The following SGCZ variants were observed in gnomAD, a reference collection of about 807,000 sequenced individuals.
SGCZ encodes the protein zeta-sarcoglycan.
Under a neutral mutation model 41.3 loss-of-function variants are expected in SGCZ, and 40 were observed. The observed-to-expected ratio is 0.97, with a 90% CI of 0.75 to 1.26. The LOEUF is 1.26. SGCZ is among the 50% of genes most tolerant of loss of function. The pLI is 0.00. For synonymous variants in SGCZ, 206 were observed against 137.5 expected, an observed-to-expected ratio of 1.50 and a Z score of -3.49; for missense variants, 552 against 369.8, an observed-to-expected ratio of 1.49 and a Z score of -4.04.
chr8:14,829,618 T>C (rs1802457047), intron 1 of SGCZ, among the ~76,000 whole-genome samples: 1 of 152,194 alleles, frequency 6.6e-6, no homozygotes, highest in African/African-American at 2.4e-5. Context: ...TAATTTCCAA[T>C]TTTCTGCACA....
intron 1 of SGCZ, among the ~76,000 whole-genome samples, chr8:14,662,897 G>A (rs1008390104): frequency 2.6e-5 from 4 of 152,106 alleles, no homozygotes; most frequent in Non-Finnish European, 5.9e-5. Context: ...CATGAGCCAA[G>A]GGATGTGACA....
intron 1 of SGCZ, among the ~76,000 whole-genome samples, chr8:14,803,202 A>C (rs568305404): frequency 3.3e-4 from 51 of 152,330 alleles, no homozygotes; most frequent in African/African-American, 1.1e-3. Context: ...CACCTTTAAA[A>C]GACCAAACTG....
At chr8:14,142,999 T>TA (rs75035278) in intron 5 of SGCZ, among the ~76,000 whole-genome samples, 49,536 of 142,510 alleles carry the variant, frequency 0.35, 8,497 homozygotes, top group Middle Eastern at 0.51. Flanking sequence ...CTTTATAAAT[T>TA]AAAAAAAAAA....
intron 1 of SGCZ, among the ~76,000 whole-genome samples, chr8:15,030,526 G>C (rs963845314): frequency 6.6e-6 from 1 of 152,094 alleles, no homozygotes; most frequent in African/African-American, 2.4e-5. Context: ...GGACTTAGAG[G>C]ATGTGGAAGA....
At chr8:14,816,167 T>C (rs536815350) in intron 1 of SGCZ, among the ~76,000 whole-genome samples, 115 of 152,330 alleles carry the variant, frequency 7.5e-4, no homozygotes, top group African/African-American at 2.7e-3. Flanking sequence ...CAGTGGGAAT[T>C]AGACACTTTC....
chr8:14,510,740 G>A (rs567101658), intron 2 of SGCZ, among the ~76,000 whole-genome samples: 22 of 152,256 alleles, frequency 1.4e-4, no homozygotes, highest in Non-Finnish European at 2.8e-4. Flanking sequence ...CCTTGCCTCA[G>A]AACATTTACT....
chr8:14,793,341 T>C (rs1282409416), intron 1 of SGCZ, among the ~76,000 whole-genome samples: 1 of 152,214 alleles, frequency 6.6e-6, no homozygotes, highest in East Asian at 1.9e-4. Flanking sequence ...ATGATCAATG[T>C]TAATTTATGA....
At chr8:14,286,877 C>G (rs1450701386) in intron 3 of SGCZ, among the ~76,000 whole-genome samples, 1 of 152,006 alleles carries the variant, frequency 6.6e-6, no homozygotes, top group Non-Finnish European at 1.5e-5. Flanking sequence ...CTGGTATTAT[C>G]ACAATGAGAA....
chr8:14,309,982 C>T (rs1481652354), intron 3 of SGCZ, among the ~76,000 whole-genome samples: 1 of 151,956 alleles, frequency 6.6e-6, no homozygotes, highest in East Asian at 1.9e-4. Context: ...TAATTACATA[C>T]AAATTTTACC....
intron 1 of SGCZ, among the ~76,000 whole-genome samples, chr8:15,235,820 A>G (rs1241456234): frequency 6.6e-6 from 1 of 152,204 alleles, no homozygotes; most frequent in Non-Finnish European, 1.5e-5. Context: ...TAACCAAAAA[A>G]TAATCTGGAT....
intron 1 of SGCZ, among the ~76,000 whole-genome samples, chr8:14,944,179 G>A (rs971011017): frequency 9.2e-5 from 14 of 152,134 alleles, no homozygotes; most frequent in African/African-American, 3.1e-4. Flanking sequence ...AAGGTAGCTA[G>A]GTCTTCACCT....
At chr8:14,188,825 T>C (rs899607076) in intron 4 of SGCZ, among the ~76,000 whole-genome samples, 1 of 11,294 alleles carries the variant, frequency 8.9e-5, no homozygotes, top group African/African-American at 4.8e-4. Flanking sequence ...TGTTTCTTTG[T>C]TTTTTTTTGT....
At chr8:14,917,992 T>C (rs927551939) in intron 1 of SGCZ, among the ~76,000 whole-genome samples, 2 of 152,128 alleles carry the variant, frequency 1.3e-5, no homozygotes, top group African/African-American at 4.8e-5. Flanking sequence ...ATTATTTTAT[T>C]TAAATATGAA....
Position 14,457,390 on chromosome 8 carries a change from G to T in SGCZ, c.234+97342C>A, listed in dbSNP as rs556626329. On this transcript the variant is annotated intron_variant, in intron 2 of 7. Transcript: ENST00000382080. ...GGATCATGGTCCAGCGGTAGCAAAA[G>T]GTGTCAAGGAACAACACCCGCTACT... is the stretch of plus-strand genomic sequence containing the variant. Among the ~76,000 whole-genome samples, 48 of 152,322 alleles carry T rather than the reference G, an allele frequency of 3.2e-4. 1 individual carries two copies. In the South Asian group the frequency reaches 9.7e-3, roughly 31 times the overall value.
chr8:14,402,188 G>C (rs1396607540), intron 2 of SGCZ, among the ~76,000 whole-genome samples: 3 of 151,896 alleles, frequency 2.0e-5, no homozygotes, highest in African/African-American at 7.3e-5. Flanking sequence ...CTGGATATTA[G>C]CCCTTTGTCA....
At chr8:14,471,422 A>G (rs1321915045) in intron 2 of SGCZ, among the ~76,000 whole-genome samples, 1 of 152,142 alleles carries the variant, frequency 6.6e-6, no homozygotes, top group African/African-American at 2.4e-5. Context: ...TAACAGCCAC[A>G]CATACCATTC....
chr8:14,890,310 G>A (rs115757233), intron 1 of SGCZ, among the ~76,000 whole-genome samples: 1 of 151,992 alleles, frequency 6.6e-6, no homozygotes. Context: ...CGAAAGAAAA[G>A]AAAAAGTTCT....
intron 1 of SGCZ, among the ~76,000 whole-genome samples, chr8:15,065,104 G>A (rs1342024891): frequency 6.6e-6 from 1 of 151,966 alleles, no homozygotes; most frequent in South Asian, 2.1e-4. Context: ...TTTCCCCTTG[G>A]TCTCACTTCC....
At chr8:14,523,723 T>C (rs1274057036) in intron 2 of SGCZ, among the ~76,000 whole-genome samples, 1 of 152,118 alleles carries the variant, frequency 6.6e-6, no homozygotes. Context: ...TGTTTGTTTT[T>C]GTTTTACCAA....
Sources: allele counts gnomAD v4.1 joint callset (sites outside exome capture counted in the v4.1 genomes callset), GRCh38; gene constraint gnomAD v4.1.1; transcripts MANE v1.5; gene names NCBI Gene and HGNC (gene_info 2026-07-23, HGNC 2026-07-21).